Variants in SSUH2 observed in about 807,000 individuals in gnomAD.
SSUH2 encodes protein SSUH2 homolog.
A neutral mutation model predicts 55.3 loss-of-function variants in SSUH2; 47 were observed. The ratio of observed to expected loss-of-function variants is 0.85; its 90% CI spans 0.67 to 1.08. The LOEUF (loss-of-function observed/expected upper bound fraction) is 1.08. Among genes scored for constraint, SSUH2 ranks in the 50% least tolerant of loss-of-function variants. SSUH2 has a pLI of 0.00. For synonymous variants in SSUH2, 212 were observed against 191.5 expected (o/e 1.11, Z -0.89); for missense variants, 535 against 490.7 (o/e 1.09, Z -0.85).
At chr3:8,635,634 G>T in intron 2 of SSUH2, 125 bp downstream of exon 2, 1 of 935,872 alleles carries the variant, frequency 1.1e-6, no homozygotes. Flanking sequence ...CCAAGATGAG[G>T]GGCTTCCCAG....
rs1696034564 is a variant in SSUH2, at chr3:8,619,728, G to T, written c.*140C>A. On this transcript the variant is annotated 3_prime_UTR_variant, in exon 12 of 12. Coordinates refer to ENST00000544814, the MANE Select transcript of SSUH2 (RefSeq NM_001256748.3). ...TATAAGGGGTTGGAGCTTGATAGAT[G>T]ATAAGCTGGTTTTTCTGGAAGGACA... 2 of 956,472 alleles carry T rather than the reference G, an allele frequency of 2.1e-6. No homozygotes were observed. The highest frequency in any genetic ancestry group is 3.1e-6 in the Non-Finnish European group (2 of 652,526). 59.2% of individuals were successfully genotyped at this position (956,472 alleles called of 1,614,324 possible). A position where few individuals can be genotyped will look rare whatever the true frequency, so the allele number is the denominator to read the frequency against.
At chr3:8,650,477 C>T (rs879680446) in intron 7 of SSUH2, among the ~76,000 whole-genome samples, 4 of 152,202 alleles carry the variant, frequency 2.6e-5, no homozygotes, top group Non-Finnish European at 4.4e-5. Context: ...ACTTTATCTT[C>T]CCATTGTCCT....
chr3:8,631,098 C>G (rs989722399), intron 5 of SSUH2, among the ~76,000 whole-genome samples, 169 bp from the exon 6 acceptor site: 3 of 152,128 alleles, frequency 2.0e-5, no homozygotes, highest in African/African-American at 7.2e-5. Flanking sequence ...ACTAAGCAAC[C>G]AAGATTTAGA....
At chr3:8,674,713 C>T (rs1305246765) in intron 3 of SSUH2, among the ~76,000 whole-genome samples, 5 of 152,138 alleles carry the variant, frequency 3.3e-5, no homozygotes, top group African/African-American at 1.2e-4. Context: ...CTGAGAGCCA[C>T]TACCTCTTTG....
chr3:8,667,019 G>A (rs920373411), intron 5 of SSUH2, among the ~76,000 whole-genome samples: 2 of 152,202 alleles, frequency 1.3e-5, no homozygotes, highest in African/African-American at 4.8e-5. Flanking sequence ...TTCAGGCTGG[G>A]AGTCCACGCA....
At chr3:8,679,519 C>G (rs1268593082) in intron 2 of SSUH2, among the ~76,000 whole-genome samples, 1 of 145,106 alleles carries the variant, frequency 6.9e-6, no homozygotes, top group African/African-American at 2.6e-5. Flanking sequence ...GGACCCTCAT[C>G]GCAGGTAGGG....
chr3:8,634,574 T>C (rs1378804758), intron 3 of SSUH2: 4 of 1,289,742 alleles, frequency 3.1e-6, no homozygotes, highest in Non-Finnish European at 4.0e-6. Context: ...TTCAGATCCA[T>C]GGATGGCAGC....
rs1698634662 is a variant in SSUH2, at chr3:8,630,893, G to A, written c.437C>T (p.Pro146Leu). The change falls in exon 6 of 12, where the codon CCC becomes CTC. Residue 146 changes from proline to leucine, a missense_variant. Coordinates refer to ENST00000544814, the MANE Select transcript of SSUH2 (RefSeq NM_001256748.3). Reference sequence around the variant, plus strand: ...TTGAACCTTGATGTCCCAGAGCCTGGGGGAGGCGCCTCTTTGCGGCCCATC... The same window carrying A: ...TTGAACCTTGATGTCCCAGAGCCTGAGGGAGGCGCCTCTTTGCGGCCCATC... The part of the protein sequence containing the change: ...SVDGPQRGAS[P>L]RLWDIKVQGP... 1 of 1,472,780 alleles carries A rather than the reference G, an allele frequency of 6.8e-7. No homozygotes were observed. Among genetic ancestry groups the A allele is most frequent in the Non-Finnish European group, 9.0e-7 (1 of 1,112,382 alleles). 91.2% of individuals were successfully genotyped at this position (1,472,780 alleles called of 1,614,324 possible). A position where few individuals can be genotyped will look rare whatever the true frequency, so the allele number is the denominator to read the frequency against.
chr3:8,640,474 A>ATTAGATGCCC (rs1421548239), intron 1 of SSUH2, among the ~76,000 whole-genome samples: 1 of 152,190 alleles, frequency 6.6e-6, no homozygotes, highest in East Asian at 1.9e-4. Flanking sequence ...AGGTCCCTAC[A>ATTAGATGCCC]TTAGATGCCC....
chr3:8,655,661 C>T (rs1369307279), intron 7 of SSUH2, among the ~76,000 whole-genome samples: 2 of 152,220 alleles, frequency 1.3e-5, no homozygotes, highest in Non-Finnish European at 1.5e-5. Context: ...ACAAACTAGT[C>T]GGAATCCCAA....
intron 7 of SSUH2, among the ~76,000 whole-genome samples, chr3:8,651,446 G>A (rs1207437637): frequency 6.6e-6 from 1 of 152,200 alleles, no homozygotes; most frequent in East Asian, 1.9e-4. Flanking sequence ...TCACATGGCA[G>A]TGAGTAGCAG....
intron 4 of SSUH2, among the ~76,000 whole-genome samples, 189 bp downstream of exon 4, chr3:8,633,474 TTTA>T (rs1318966582): frequency 6.6e-6 from 1 of 152,180 alleles, no homozygotes; most frequent in African/African-American, 2.4e-5. Flanking sequence ...ACTTGTTCTT[TTTA>T]TTATCACTCA....
rs183582168 is a variant in SSUH2, at chr3:8,672,231, G to A, written c.-752-196C>T. On this transcript the variant is annotated intron_variant, in intron 3 of 18. Coordinates refer to the SSUH2 transcript ENST00000317371. Reference sequence around the variant, plus strand: ...CCCTGGGGTGGTGTACACTTTCTGCGCTATTGGGAGTAGGGTCATCCTCTC... The same window carrying A: ...CCCTGGGGTGGTGTACACTTTCTGCACTATTGGGAGTAGGGTCATCCTCTC... Among the ~76,000 whole-genome samples, 36 of 152,030 alleles carry A rather than the reference G, an allele frequency of 2.4e-4. No individual in the cohort carries two copies. In the East Asian group the frequency reaches 5.2e-3, roughly 22 times the overall value.
chr3:8,673,533 G>C (rs1006152016), intron 3 of SSUH2, among the ~76,000 whole-genome samples: 3 of 152,088 alleles, frequency 2.0e-5, no homozygotes, highest in African/African-American at 7.2e-5. Context: ...ATCCTACAGC[G>C]AAAAGCCGCA....
rs768615616 is a variant in SSUH2, at chr3:8,627,738, A to G, written c.634T>C (p.Ser212Pro). 6.2e-7 allele frequency: 1 copy of G among 1,610,352 alleles called. No homozygotes were observed. The highest frequency in any genetic ancestry group is 1.3e-5 in the African/African-American group (1 of 74,768). The change falls in exon 8 of 12, where the codon TCC (serine) becomes CCC (proline). Residue 212 changes from serine (S) to proline (P), a missense_variant. Physicochemically the swap from Ser to Pro is moderately conservative, Grantham distance 74. Coordinates refer to ENST00000544814, the MANE Select transcript of SSUH2 (RefSeq NM_001256748.3). ...CCCGCGCACAGCTGACATCTCCGGG[A>G]CTGCTTGGCTTTGCGCTTGGCTCCG... ...CCGAKRKAKQ[S>P]RRCQLCAGSG...
chr3:8,631,121 T>C (rs1365141502), intron 5 of SSUH2, among the ~76,000 whole-genome samples, 192 bp from the exon 6 acceptor site: 1 of 152,190 alleles, frequency 6.6e-6, no homozygotes, highest in Non-Finnish European at 1.5e-5. Flanking sequence ...GAGACAGATC[T>C]GGGTTTGACT....
At chr3:8,673,570 T>C (rs2124837082) in intron 3 of SSUH2, among the ~76,000 whole-genome samples, 1 of 152,322 alleles carries the variant, frequency 6.6e-6, no homozygotes, top group South Asian at 2.1e-4. Flanking sequence ...CTCCAGACTG[T>C]TATCCAGACC....
chr3:8,646,645 G>A (rs751685599), upstream of SSUH2, among the ~76,000 whole-genome samples: 4 of 152,218 alleles, frequency 2.6e-5, no homozygotes, highest in South Asian at 2.1e-4. Flanking sequence ...TTCGGCATCC[G>A]TACAGAAGTG....
intron 5 of SSUH2, 141 bp from the exon 6 acceptor site, chr3:8,631,070 C>T: frequency 6.7e-6 from 6 of 897,780 alleles, no homozygotes; most frequent in Non-Finnish European, 7.4e-6. Context: ...ATAGTCAAGG[C>T]CTTCCTTGGA....
Sources: allele counts gnomAD v4.1 joint callset (sites outside exome capture counted in the v4.1 genomes callset), GRCh38; gene constraint gnomAD v4.1.1; transcripts MANE v1.5; gene names NCBI Gene and HGNC (gene_info 2026-07-23, HGNC 2026-07-21).